EPHA2: variants seen among roughly 807,000 people sequenced by gnomAD.
EPHA2 encodes EPH receptor A2, also known as ephrin type-A receptor 2.
Under a neutral mutation model 104.9 loss-of-function variants are expected in EPHA2, and 54 were observed. The observed-to-expected ratio is 0.51, with a 90% CI of 0.41 to 0.65. The LOEUF (loss-of-function observed/expected upper bound fraction) is 0.65. EPHA2 is among the 30% of genes least tolerant of loss of function. The pLI is 0.00. For synonymous variants in EPHA2, 560 were observed against 559.1 expected (o/e 1.00, Z -0.02); for missense variants, 1,117 against 1,369.5 (o/e 0.82, Z 2.91).
At chr1:16,154,826 T>G (rs895639067) in intron 1 of EPHA2, among the ~76,000 whole-genome samples, 15 of 150,904 alleles carry the variant, frequency 9.9e-5, no homozygotes, top group African/African-American at 3.6e-4. Context: ...GCTTCCCCCT[T>G]GTGGAGCCTG....
Position 16,132,084 on chromosome 1 carries a change from C to T in EPHA2, c.2305G>A (p.Glu769Lys), listed in dbSNP as rs367724183. 118 of 1,613,904 alleles carry T rather than the reference C, an allele frequency of 7.3e-5. No homozygotes were observed. Among genetic ancestry groups the T allele is most frequent in the Non-Finnish European group, 9.2e-5 (108 of 1,179,996 alleles). ...GLSRVLEDDP[E>K]ATYTTSGGKI... ...CTTACACTGGTGGTGTAGGTGGCCTCGGGGTCGTCCTCCAGCACGCGGGAC... is the reference window on the plus strand; with the variant it reads ...CTTACACTGGTGGTGTAGGTGGCCTTGGGGTCGTCCTCCAGCACGCGGGAC... The change falls in exon 13 of 17, where the codon GAG (glutamate) becomes AAG (lysine). Residue 769 changes from glutamate (E) to lysine (K), a missense_variant. Glu to Lys is a moderately conservative substitution (Grantham distance 56, BLOSUM62 1). This residue lies in a region of EPHA2 where 340 missense variants were observed against 480.5 expected (regional missense o/e 0.71). Coordinates refer to ENST00000358432, the MANE Select transcript of EPHA2 (RefSeq NM_004431.5).
chr1:16,137,733 T>C, intron 5 of EPHA2, 120 bp downstream of exon 5: 7 of 1,225,756 alleles, frequency 5.7e-6, no homozygotes, highest in Non-Finnish European at 8.1e-6. Flanking sequence ...CTAGACACTG[T>C]GCCTTTAACC....
Position 16,134,028 on chromosome 1 carries a change from C to A in EPHA2, c.1683-113G>T. 9.4e-7 allele frequency: 1 copy of A among 1,067,210 alleles called. No homozygotes were observed. Among genetic ancestry groups the A allele is most frequent in the Non-Finnish European group, 1.3e-6 (1 of 748,818 alleles). The allele number at this position is 1,067,210 out of a possible 1,614,324, so 66.1% of individuals were successfully genotyped here. A position where few individuals can be genotyped will look rare whatever the true frequency, so the allele number is the denominator to read the frequency against. On this transcript the variant is annotated intron_variant, in intron 8 of 16. Coordinates refer to ENST00000358432, the MANE Select transcript of EPHA2 (RefSeq NM_004431.5). The surrounding 1 kb of genome is among the most constrained non-coding windows in gnomAD (Gnocchi z 4.5). ...AGGAGGACCTGGGGTGCTCAGAATG[C>A]GGCCCAGTCCCCGCTTTTGCTGCCC...
In EPHA2 at chr1:16,132,494, G is replaced by A. The variant is rs1002428075; in HGVS notation, c.2054-55C>T. The A allele has an allele frequency of 8.7e-6, 14 of 1,601,452 alleles. No homozygotes were observed. The African/African-American group carries it at 1.9e-4, about 21-fold the overall frequency. On this transcript the variant is annotated intron_variant, in intron 11 of 16. Coordinates refer to ENST00000358432, the MANE Select transcript of EPHA2 (RefSeq NM_004431.5). ...AAGTGGGCCCAGGCATGTGGGAGAG[G>A]TGGGCACAGATATGGGGGAAGGTGG...
chr1:16,130,654 GGGTC>G lies in EPHA2; in HGVS notation c.2476-239_2476-236del, dbSNP rs1351537841. Among the ~76,000 whole-genome samples, 1 of 151,238 alleles carries G rather than the reference GGGTC, an allele frequency of 6.6e-6. No individual in the cohort carries two copies. The highest frequency in any genetic ancestry group is 2.4e-5 in the African/African-American group (1 of 41,042). ...GACTTTTTTTTTTTTGACTGAGACA[GGGTC>G]TCAGTCTGTCACCCAGGCTAGAGTG... On this transcript the variant is annotated intron_variant, in intron 14 of 16. Coordinates refer to ENST00000358432, the MANE Select transcript of EPHA2 (RefSeq NM_004431.5). The surrounding 1 kb of genome is among the most constrained non-coding windows in gnomAD (Gnocchi z 4.5).
At position 16,132,445 on chromosome 1, in the gene EPHA2, G is replaced by A; in HGVS notation, c.2054-6C>T. The A allele has an allele frequency of 1.2e-6, 2 of 1,613,750 alleles. No homozygotes were observed. Among genetic ancestry groups the A allele is most frequent in the Non-Finnish European group, 1.7e-6 (2 of 1,179,990 alleles). On this transcript the variant is annotated splice_region_variant and splice_polypyrimidine_tract_variant and intron_variant, in intron 11 of 16. Transcript: ENST00000358432. ...GATGATCATCATGGGCTTGTCTGTA[G>A]GGGGGTGGGCACAGGTGAGAGGTAA...
intron 8 of EPHA2, 23 bp from the exon 9 acceptor site, chr1:16,133,938 C>G: frequency 6.4e-7 from 1 of 1,550,480 alleles, no homozygotes; most frequent in East Asian, 2.4e-5. Flanking sequence ...CACGGGGAAC[C>G]AAATGCAGGG....
rs2024572445 is a variant in EPHA2, at chr1:16,131,727, G to A, written c.2469C>T (p.Asn823=). Residue 823 remains asparagine, a synonymous_variant, in exon 14 of 17, where the codon AAC becomes AAT. Coordinates refer to ENST00000358432, the MANE Select transcript of EPHA2 (RefSeq NM_004431.5). The surrounding 1 kb of genome is among the most constrained non-coding windows in gnomAD (Gnocchi z 5.2). ...YGERPYWELS[N]HEVMKAINDG... ...GGAGGGCAAGGGCACCCACCTCGTGGTTGGACAACTCCCAGTAGGGCCGCT... is the reference window on the plus strand; with the variant it reads ...GGAGGGCAAGGGCACCCACCTCGTGATTGGACAACTCCCAGTAGGGCCGCT... The A allele has an allele frequency of 1.9e-6, 3 of 1,613,936 alleles. No homozygotes were observed. Among genetic ancestry groups the A allele is most frequent in the Admixed American group, 3.3e-5 (2 of 60,014 alleles).
chr1:16,146,009 C>T (rs573388727), intron 3 of EPHA2, among the ~76,000 whole-genome samples: 59 of 152,324 alleles, frequency 3.9e-4, no homozygotes, highest in Non-Finnish European at 7.1e-4. Flanking sequence ...GCCTGCCCCT[C>T]GGACGACACC....
chr1:16,141,814 G>A (rs891490019), intron 3 of EPHA2, among the ~76,000 whole-genome samples: 3 of 152,256 alleles, frequency 2.0e-5, no homozygotes, highest in Non-Finnish European at 2.9e-5. Flanking sequence ...AGAGATTTCC[G>A]CTGCGGATGT....
At position 16,131,825 on chromosome 1, in the gene EPHA2, AG is replaced by A; in HGVS notation, c.2370del (p.Tyr791ThrfsTer20). 1 of 1,614,112 alleles carries A rather than the reference AG, an allele frequency of 6.2e-7. No homozygotes were observed. On this transcript the variant is annotated frameshift_variant, in exon 14 of 17. Coordinates refer to ENST00000358432, the MANE Select transcript of EPHA2 (RefSeq NM_004431.5). LOFTEE classifies it high-confidence loss of function. This position sits in a 1 kb window ranked among gnomAD's most constrained non-coding sequence, Gnocchi z 5.2. ...TCGCTGGCAGAGGTGAACTTCCGGTAGGAAATGGCCTCCGGGGCGGTCCAGC... is the reference window on the plus strand; with the variant it reads ...TCGCTGGCAGAGGTGAACTTCCGGTAGAAATGGCCTCCGGGGCGGTCCAGC... ...PIRWTAPEAISYRKFTSASDV... is the reference protein window; with the variant it reads ...PIRWTAPEAIXYRKFTSASDV...
At position 16,156,017 on chromosome 1, in the gene EPHA2, C is replaced by G. The variant is rs2025162421; in HGVS notation, c.-85G>C. The G allele has an allele frequency of 3.3e-6, 4 of 1,223,688 alleles. No individual in the cohort carries two copies. Among genetic ancestry groups the G allele is most frequent in the Non-Finnish European group, 2.1e-6 (2 of 930,340 alleles). The allele number at this position is 1,223,688 out of a possible 1,614,324, so 75.8% of individuals were successfully genotyped here. On this transcript the variant is annotated 5_prime_UTR_variant, in exon 1 of 17. Transcript: ENST00000358432. ...CTGCACGCCGGCCTCGGTGTCCGCT[C>G]CCGCCCGCCGGCCTGCGCGCAACTT...
rs2025015602 is a variant in EPHA2, at chr1:16,150,627, C to CT, written c.153+268_153+269insA. Among the ~76,000 whole-genome samples the CT allele has an allele frequency of 1.3e-5, 2 of 152,220 alleles. No individual in the cohort carries two copies. Among genetic ancestry groups the CT allele is most frequent in the East Asian group, 3.9e-4 (2 of 5,194 alleles). ...CAGCCCTTCTGGAACATGGAAGGCC[C>CT]AGCTCCGCTAGGGCCTTCTCTGTCT... On this transcript the variant is annotated intron_variant, in intron 2 of 16. Transcript: ENST00000358432. This position sits in a 1 kb window ranked among gnomAD's most constrained non-coding sequence, Gnocchi z 4.8.
chr1:16,147,923 G>A (rs1206638196), intron 3 of EPHA2, among the ~76,000 whole-genome samples: 2 of 151,074 alleles, frequency 1.3e-5, no homozygotes, highest in African/African-American at 4.9e-5. Context: ...CCAGGCTGGA[G>A]TACAGTGGTG....
In EPHA2 at chr1:16,138,053, G is replaced by T. The variant is rs777035324; in HGVS notation, c.1112C>A (p.Pro371His). Residue 371 changes from proline (P) to histidine (H), a missense_variant, in exon 5 of 17, where the codon CCC becomes CAC. Pro to His is a moderately conservative substitution (Grantham distance 77). This residue lies in a region of EPHA2 where 664 missense variants were observed against 784.8 expected (regional missense o/e 0.85). Transcript: ENST00000358432. ...VYSVTCEQCW[P>H]ESGECGPCEA... ...ACACGGCCCGCATTCCCCAGACTCG[G>T]GCCAGCACTGTTCGCAGGTGACGCT... The T allele has an allele frequency of 6.2e-7, 1 of 1,613,170 alleles. No homozygotes were observed. Among genetic ancestry groups the T allele is most frequent in the Admixed American group, 1.7e-5 (1 of 60,008 alleles).
At chr1:16,145,237 C>T (rs1055335623) in intron 3 of EPHA2, among the ~76,000 whole-genome samples, 1 of 152,210 alleles carries the variant, frequency 6.6e-6, no homozygotes, top group African/African-American at 2.4e-5. Context: ...CGGGGGACAG[C>T]GGTCAGCCCG....
At chr1:16,149,888 G>A (rs574358399) in intron 2 of EPHA2, among the ~76,000 whole-genome samples, 4 of 152,268 alleles carry the variant, frequency 2.6e-5, no homozygotes, top group African/African-American at 4.8e-5. Context: ...TCAGGGAAGC[G>A]TTTGTTGAAT....
Position 16,137,990 on chromosome 1 carries a change from A to G in EPHA2, c.1175T>C (p.Leu392Pro). ...SVRYSEPPHG[L>P]TRTSVTVSDL... ...GCTCACTGTCACACTGGTGCGGGTC[A>G]GTCCGTGAGGAGGCTCCGAGTAGCG... The change falls in exon 5 of 17, where the codon CTG (leucine) becomes CCG (proline). Residue 392 changes from leucine (L) to proline (P), a missense_variant. Around this residue, in one of 3 missense-constraint regions of EPHA2, gnomAD observed 664 missense variants for 784.8 expected, o/e 0.85. Coordinates refer to ENST00000358432, the MANE Select transcript of EPHA2 (RefSeq NM_004431.5). 2.5e-6 allele frequency: 4 copies of G among 1,614,136 alleles called. No homozygotes were observed. The highest frequency in any genetic ancestry group is 3.4e-6 in the Non-Finnish European group (4 of 1,180,042).
rs1410026464 is a variant in EPHA2 at position 16,135,655 on chromosome 1, C to T, written c.1428G>A (p.Lys476=). The T allele has an allele frequency of 6.2e-7, 1 of 1,613,944 alleles. No homozygotes were observed. Residue 476 remains lysine (K), a splice_region_variant and synonymous_variant, in exon 6 of 17, where the codon AAG becomes AAA. Coordinates refer to ENST00000358432, the MANE Select transcript of EPHA2 (RefSeq NM_004431.5). This position sits in a 1 kb window ranked among gnomAD's most constrained non-coding sequence, Gnocchi z 4.3. The part of the protein sequence containing the change: ...VWKYEVTYRK[K]GDSNSYNVRR... Reference sequence around the variant, plus strand: ...CCAGCCCCGCCCCTCTGGGAGTTACCTTCTTGCGGTAAGTGACCTCGTACT... The same window carrying T: ...CCAGCCCCGCCCCTCTGGGAGTTACTTTCTTGCGGTAAGTGACCTCGTACT...
Sources: gnomAD v4.1 joint callset for allele counts (sites outside exome capture counted in the v4.1 genomes callset) on GRCh38, gnomAD v4.1.1 for gene constraint, gnomAD v4.1.1 regional missense constraint, Gnocchi (gnomAD v3.1) non-coding constraint, MANE v1.5 for transcripts, NCBI Gene and HGNC (gene_info 2026-07-23, HGNC 2026-07-21) for gene names.